Variants in CEP89 observed in about 807,000 individuals in gnomAD.
The protein encoded by CEP89 is centrosomal protein of 89 kDa.
In CEP89, 95 loss-of-function variants were observed where a neutral mutation model predicts 97.6. The ratio of observed to expected loss-of-function variants is 0.97; its 90% CI spans 0.82 to 1.15. CEP89 has a LOEUF of 1.15. Ranked by LOEUF, CEP89 falls within the 50% of genes most tolerant of loss-of-function variation. CEP89 has a pLI of 0.00. For missense variants in CEP89, 869 were observed against 947.7 expected, an observed-to-expected ratio of 0.92 and a Z score of 1.09; for synonymous variants, 354 against 349.1, an observed-to-expected ratio of 1.01 and a Z score of -0.16.
intron 1 of CEP89, among the ~76,000 whole-genome samples, chr19:32,968,524 A>G (rs1971332203): frequency 6.6e-6 from 1 of 152,196 alleles, no homozygotes; most frequent in African/African-American, 2.4e-5. Flanking sequence ...CTGGGATTAC[A>G]TGTGTGAACC....
chr19:32,922,587 C>A (rs897223870), intron 12 of CEP89, among the ~76,000 whole-genome samples: 1 of 151,972 alleles, frequency 6.6e-6, no homozygotes, highest in Non-Finnish European at 1.5e-5. Context: ...GTGGCTCACG[C>A]CTATAATCCC....
At chr19:32,964,425 G>A (rs1971239266) in intron 2 of CEP89, among the ~76,000 whole-genome samples, 1 of 152,174 alleles carries the variant, frequency 6.6e-6, no homozygotes. Flanking sequence ...GCCTGCCTTA[G>A]CCTCCCAAAT....
At chr19:32,962,979 T>G (rs975045298) in intron 2 of CEP89, among the ~76,000 whole-genome samples, 39 of 152,104 alleles carry the variant, frequency 2.6e-4, no homozygotes, top group African/African-American at 9.2e-4. Context: ...GCAAAAGATG[T>G]GAACAGATGC....
chr19:32,951,534 T>TATATATATATATATATATATATACAC (rs1407110112), intron 4 of CEP89, among the ~76,000 whole-genome samples: 1 of 122,038 alleles, frequency 8.2e-6, no homozygotes, highest in African/African-American at 3.4e-5. Flanking sequence ...TATATATATA[T>TATATATATATATATATATATATACAC]ACACACACAC....
chr19:32,902,657 G>A (rs1969805575), intron 14 of CEP89, among the ~76,000 whole-genome samples: 1 of 152,218 alleles, frequency 6.6e-6, no homozygotes, highest in Non-Finnish European at 1.5e-5. Context: ...TTGTCTGGCA[G>A]ACACCTGCTG....
intron 14 of CEP89, among the ~76,000 whole-genome samples, chr19:32,905,719 T>C (rs1969874594): frequency 6.6e-6 from 1 of 152,174 alleles, no homozygotes; most frequent in Non-Finnish European, 1.5e-5. Context: ...TTGCTTAGTA[T>C]TGTTGTCTGT....
intron 12 of CEP89, among the ~76,000 whole-genome samples, chr19:32,919,408 A>G (rs1484400799): frequency 2.6e-5 from 4 of 152,164 alleles, no homozygotes; most frequent in Non-Finnish European, 5.9e-5. Flanking sequence ...AATAATCTCG[A>G]TTTTCCACTT....
chr19:32,902,008 C>CTGTGTGTGTGTGTGTGTGTGTGTGTG (rs1265424963), intron 14 of CEP89, among the ~76,000 whole-genome samples: 3 of 99,640 alleles, frequency 3.0e-5, no homozygotes, highest in African/African-American at 1.4e-4. Flanking sequence ...CTCTCTCTCT[C>CTGTGTGTGTGTGTGTGTGTGTGTGTG]TCTGTGTGTG....
Position 32,891,999 on chromosome 19 carries a change from C to T in CEP89, c.1876-4158G>A, listed in dbSNP as rs535288691. On this transcript the variant is annotated intron_variant, in intron 16 of 18. Coordinates refer to ENST00000305768, the MANE Select transcript of CEP89 (RefSeq NM_032816.5). ...ACTTCCCAAGTCTAGCAAGAGATTT[C>T]GAAATCCAGATATAGGAAGCTCAGG... 9.3e-5 allele frequency among the ~76,000 whole-genome samples: 14 copies of T among 151,084 alleles called. No homozygotes were observed. In the South Asian group the frequency reaches 1.3e-3, roughly 13 times the overall value.
chr19:32,964,983 G>A (rs922126945), intron 2 of CEP89, among the ~76,000 whole-genome samples: 13 of 152,152 alleles, frequency 8.5e-5, no homozygotes, highest in Non-Finnish European at 1.8e-4. Flanking sequence ...ATAGCTCACC[G>A]CAGCCTTTTC....
At chr19:32,893,098 T>C (rs113384536) in intron 16 of CEP89, among the ~76,000 whole-genome samples, 3 of 146,882 alleles carry the variant, frequency 2.0e-5, no homozygotes, top group African/African-American at 7.5e-5. Flanking sequence ...ACTGGCTGAA[T>C]GGATATCAGA....
intron 5 of CEP89, among the ~76,000 whole-genome samples, chr19:32,944,231 A>AAAAAAAAAAG (rs1970748701): frequency 8.4e-6 from 1 of 119,736 alleles, no homozygotes; most frequent in Admixed American, 1.1e-4. Flanking sequence ...AAAAAAAAAA[A>AAAAAAAAAAG]AAAAAAGACT....
intron 1 of CEP89, chr19:32,970,452 A>C (rs1440562688): frequency 6.6e-6 from 1 of 152,088 alleles, no homozygotes; most frequent in Admixed American, 6.6e-5. Context: ...CCAAGGTTTA[A>C]GACCAGCCTG....
intron 17 of CEP89, among the ~76,000 whole-genome samples, chr19:32,887,226 GT>G (rs1161824042): frequency 6.7e-6 from 1 of 148,648 alleles, no homozygotes; most frequent in African/African-American, 2.5e-5. Flanking sequence ...TTTGGTTTTG[GT>G]TTTTTTTTGA....
At chr19:32,920,945 C>T (rs1231997639) in intron 12 of CEP89, among the ~76,000 whole-genome samples, 1 of 151,096 alleles carries the variant, frequency 6.6e-6, no homozygotes, top group African/African-American at 2.4e-5. Context: ...GGGCCAGGTG[C>T]GGTGGCTCAC....
intron 13 of CEP89, among the ~76,000 whole-genome samples, chr19:32,917,128 C>T (rs1396673087): frequency 6.6e-6 from 1 of 152,168 alleles, no homozygotes; most frequent in Non-Finnish European, 1.5e-5. Flanking sequence ...CCCCATGTGA[C>T]CAGAAATCCT....
In CEP89 at chr19:32,939,898, AAG is replaced by A; in HGVS notation, c.596-15_596-14del. The A allele has an allele frequency of 2.6e-5, 33 of 1,249,696 alleles. No individual in the cohort carries two copies. The highest frequency in any genetic ancestry group is 3.4e-5 in the Non-Finnish European group (30 of 872,402). 77.4% of individuals were successfully genotyped at this position (1,249,696 alleles called of 1,614,324 possible). A position where few individuals can be genotyped will look rare whatever the true frequency, so the allele number is the denominator to read the frequency against. Reference sequence around the variant, plus strand: ...GGGTGTTTACCATCTGATGAAGAAAAAGAGAGAGAGATAAACTTTTAAAGTAG... The same window carrying A: ...GGGTGTTTACCATCTGATGAAGAAAAAGAGAGAGATAAACTTTTAAAGTAG... On this transcript the variant is annotated splice_polypyrimidine_tract_variant and intron_variant, in intron 5 of 18. Coordinates refer to ENST00000305768, the MANE Select transcript of CEP89 (RefSeq NM_032816.5).
intron 5 of CEP89, among the ~76,000 whole-genome samples, chr19:32,941,668 A>G (rs1970689339): frequency 6.6e-6 from 1 of 152,068 alleles, no homozygotes. Context: ...CCTGCGTTGG[A>G]CACCAGGTGA....
Position 32,948,297 on chromosome 19 carries a change from G to C in CEP89, c.564C>G (p.Ser188=), listed in dbSNP as rs1462980546. ...GTTGTGTCCGCTGTGGTGCAGGAGG[G>C]GAGCCTGGAAACCCATCTTGATGAG... The part of the protein sequence containing the change: ...NISHQDGFPG[S]PPAPQRTQQK... The change falls in exon 5 of 19, where the codon TCC becomes TCG. Residue 188 remains serine (S), a synonymous_variant. Coordinates refer to ENST00000305768, the MANE Select transcript of CEP89 (RefSeq NM_032816.5). 1.6e-5 allele frequency: 26 copies of C among 1,610,022 alleles called. No individual in the cohort carries two copies. Among genetic ancestry groups the C allele is most frequent in the Non-Finnish European group, 2.1e-5 (25 of 1,177,950 alleles).
Sources: gnomAD v4.1 joint callset for allele counts (sites outside exome capture counted in the v4.1 genomes callset) on GRCh38, gnomAD v4.1.1 for gene constraint, MANE v1.5 for transcripts, NCBI Gene and HGNC (gene_info 2026-07-23, HGNC 2026-07-21) for gene names.